DCLK2: variants seen among roughly 807,000 people sequenced by gnomAD.
The protein encoded by DCLK2 is doublecortin like kinase 2.
DCLK2 carries 31 observed loss-of-function variants against 78.4 expected under a neutral mutation model. That is an observed-to-expected ratio of 0.40 (90% CI 0.30 to 0.53). The LOEUF is 0.53. Among genes scored for constraint, DCLK2 ranks in the 20% least tolerant of loss-of-function variants. The pLI is 0.61. For synonymous variants in DCLK2, 407 were observed against 374.9 expected (o/e 1.09, Z -0.99); for missense variants, 872 against 973.7 (o/e 0.90, Z 1.39).
chr4:150,242,780 A>C (rs919975556), intron 12 of DCLK2, among the ~76,000 whole-genome samples: 5 of 152,240 alleles, frequency 3.3e-5, no homozygotes, highest in African/African-American at 1.2e-4. Context: ...AAGCAAATCA[A>C]GTCAAACAGC....
chr4:150,246,296 C>T (rs909053575), intron 12 of DCLK2, among the ~76,000 whole-genome samples: 21 of 152,184 alleles, frequency 1.4e-4, no homozygotes, highest in Non-Finnish European at 2.6e-4. Context: ...ATCCACCCAC[C>T]TTGGCCTCCC....
rs763762295 is a variant in DCLK2, at chr4:150,199,115, GGTTTTT to G, written c.961+1025_961+1030del. On this transcript the variant is annotated intron_variant, in intron 4 of 15. Coordinates refer to ENST00000296550, the MANE Select transcript of DCLK2 (RefSeq NM_001040260.4). Reference sequence around the variant, plus strand: ...CTATTGTGGCTTTGTTGCTCTGCTGGGTTTTTGTTTTTGTTTTTTGCCACTTTTCTG... The same window carrying G: ...CTATTGTGGCTTTGTTGCTCTGCTGGGTTTTTGTTTTTTGCCACTTTTCTG... The G allele has an allele frequency of 5.6e-5, 89 of 1,576,778 alleles. No homozygotes were observed. In the African/African-American group the frequency reaches 9.9e-4, roughly 18 times the overall value.
intron 15 of DCLK2, chr4:150,253,955 C>G: frequency 2.1e-6 from 2 of 959,480 alleles, no homozygotes; most frequent in Non-Finnish European, 2.5e-6. Flanking sequence ...TCTCAGCCAG[C>G]CTTTGGGATA....
At chr4:150,172,409 C>T (rs1736597839) in intron 2 of DCLK2, among the ~76,000 whole-genome samples, 1 of 151,802 alleles carries the variant, frequency 6.6e-6, no homozygotes, top group Admixed American at 6.6e-5. Flanking sequence ...TGAGACCATC[C>T]TGGCTAACAT....
chr4:150,191,244 C>T (rs572571001), intron 2 of DCLK2, among the ~76,000 whole-genome samples: 5 of 152,202 alleles, frequency 3.3e-5, no homozygotes, highest in Admixed American at 1.3e-4. Context: ...CAGTTGAATG[C>T]ACCCTTTGAA....
intron 2 of DCLK2, among the ~76,000 whole-genome samples, chr4:150,117,909 A>G (rs1160099097): frequency 6.6e-6 from 1 of 152,226 alleles, no homozygotes; most frequent in East Asian, 1.9e-4. Flanking sequence ...GAGGCATGCA[A>G]ACAATCCACC....
rs148568776 is a variant in DCLK2, at chr4:150,160,726, C to T, written c.757-32412C>T. 6.3e-3 allele frequency among the ~76,000 whole-genome samples: 963 copies of T among 152,342 alleles called. 37 individuals carry two copies. Among genetic ancestry groups the T allele is most frequent in the Admixed American group, 0.058 (883 of 15,298 alleles). Reference sequence around the variant, plus strand: ...GACTGTCCCATCCAACCATCAGGTTCATTCCTGTTGGACTCTGTTCTGAGA... The same window carrying T: ...GACTGTCCCATCCAACCATCAGGTTTATTCCTGTTGGACTCTGTTCTGAGA... On this transcript the variant is annotated intron_variant, in intron 2 of 15. Transcript: ENST00000296550.
At chr4:150,176,525 A>G (rs1381137511) in intron 2 of DCLK2, among the ~76,000 whole-genome samples, 1 of 152,192 alleles carries the variant, frequency 6.6e-6, no homozygotes, top group Middle Eastern at 3.2e-3. Context: ...TCTGTTCATA[A>G]TAATGGAGAA....
intron 2 of DCLK2, among the ~76,000 whole-genome samples, chr4:150,153,037 G>A (rs529268814): frequency 6.6e-5 from 10 of 152,352 alleles, no homozygotes; most frequent in African/African-American, 1.9e-4. Context: ...TTAAAGCAGG[G>A]CTTTGACAAG....
At chr4:150,190,287 ATAGATAGATAGG>A (rs1266181696) in intron 2 of DCLK2, among the ~76,000 whole-genome samples, 1 of 139,326 alleles carries the variant, frequency 7.2e-6, no homozygotes, top group African/African-American at 3.1e-5. Flanking sequence ...AGATAGATAG[ATAGATAGATAGG>A]CAGACAGACA....
intron 2 of DCLK2, among the ~76,000 whole-genome samples, chr4:150,152,898 T>TGTGAGTACG (rs1175395960): frequency 6.6e-6 from 1 of 151,698 alleles, no homozygotes; most frequent in Non-Finnish European, 1.5e-5. Context: ...ATCATTCATT[T>TGTGAGTACG]GTGAGTACGA....
At chr4:150,203,687 G>T in intron 4 of DCLK2, 108 bp from the exon 5 acceptor site, 1 of 757,236 alleles carries the variant, frequency 1.3e-6, no homozygotes, top group South Asian at 3.0e-5. Flanking sequence ...CTGAAAACGA[G>T]TTGAAGCTTC....
chr4:150,085,184 C>G (rs1258133637), intron 1 of DCLK2, among the ~76,000 whole-genome samples: 1 of 152,162 alleles, frequency 6.6e-6, no homozygotes, highest in Non-Finnish European at 1.5e-5. Flanking sequence ...TTCTTAACTA[C>G]TACATTCTAC....
chr4:150,211,556 C>A lies in DCLK2; in HGVS notation c.1056+7667C>A, dbSNP rs558304819. ...TCTCTTTATCAGCCACTCAAAATTT[C>A]TGCCCTGGGCTGGTCTGGCTTCCTC... is the stretch of plus-strand genomic sequence containing the variant. On this transcript the variant is annotated intron_variant, in intron 5 of 15. Coordinates refer to ENST00000296550, the MANE Select transcript of DCLK2 (RefSeq NM_001040260.4). 1.2e-4 allele frequency among the ~76,000 whole-genome samples: 18 copies of A among 152,326 alleles called. 1 individual carries two copies. The highest frequency in any genetic ancestry group is 9.8e-4 in the Admixed American group (15 of 15,300).
chr4:150,205,000 T>C (rs1347000214), intron 5 of DCLK2, among the ~76,000 whole-genome samples: 4 of 152,230 alleles, frequency 2.6e-5, no homozygotes, highest in Non-Finnish European at 5.9e-5. Flanking sequence ...TATACATAAA[T>C]TAACTTTAAT....
intron 2 of DCLK2, among the ~76,000 whole-genome samples, chr4:150,138,363 C>A (rs997877324): frequency 6.6e-6 from 1 of 152,128 alleles, no homozygotes; most frequent in African/African-American, 2.4e-5. Context: ...AATCCCAGCA[C>A]TTTGGGAGGC....
At chr4:150,088,701 T>C (rs1463224744) in intron 1 of DCLK2, among the ~76,000 whole-genome samples, 1 of 152,232 alleles carries the variant, frequency 6.6e-6, no homozygotes, top group Non-Finnish European at 1.5e-5. Context: ...TTTTGAGTAC[T>C]AATGTGATAC....
chr4:150,138,668 C>A (rs1580577024), intron 2 of DCLK2, among the ~76,000 whole-genome samples: 1 of 104,284 alleles, frequency 9.6e-6, no homozygotes, highest in East Asian at 3.5e-4. Context: ...GCAGATGGGA[C>A]TCTTATTCTT....
intron 1 of DCLK2, among the ~76,000 whole-genome samples, chr4:150,089,772 A>AATAGCTAGAG (rs1729915585): frequency 6.6e-6 from 1 of 152,232 alleles, no homozygotes; most frequent in Non-Finnish European, 1.5e-5. Flanking sequence ...AAAAATGCAA[A>AATAGCTAGAG]ATAGCAATAT....
Sources: gnomAD v4.1 joint callset for allele counts (sites outside exome capture counted in the v4.1 genomes callset) on GRCh38, gnomAD v4.1.1 for gene constraint, MANE v1.5 for transcripts, NCBI Gene and HGNC (gene_info 2026-07-23, HGNC 2026-07-21) for gene names.